UBR1: variants seen among roughly 807,000 people sequenced by gnomAD.
UBR1 encodes E3 ubiquitin-protein ligase UBR1.
UBR1 carries 102 observed loss-of-function variants against 242.1 expected under a neutral mutation model. That is an observed-to-expected ratio of 0.42 (90% CI 0.36 to 0.50). The LOEUF (loss-of-function observed/expected upper bound fraction) is 0.50. Among genes scored for constraint, UBR1 ranks in the 20% least tolerant of loss-of-function variants. UBR1 has a pLI of 0.01. For missense variants in UBR1, 1,772 were observed against 2,101.8 expected (o/e 0.84, Z 3.07); for synonymous variants, 675 against 684.8 (o/e 0.99, Z 0.22).
intron 22 of UBR1, 51 bp downstream of exon 22, chr15:43,027,725 G>T (rs1396004510): frequency 1.9e-6 from 3 of 1,545,668 alleles, no homozygotes; most frequent in South Asian, 1.1e-5. Flanking sequence ...CAAAGTACAA[G>T]AACAAAGATC....
chr15:42,949,199 T>C (rs2031787103), intron 46 of UBR1, among the ~76,000 whole-genome samples: 1 of 146,734 alleles, frequency 6.8e-6, no homozygotes, highest in South Asian at 2.1e-4. Context: ...AAACACCATA[T>C]GTTCTCACTC....
At position 42,994,966 on chromosome 15, in the gene UBR1, T is replaced by A. The variant is rs539837550; in HGVS notation, c.3757+3202A>T. ...TTTTAATCATTCCATGATTTCTTTT[T>A]TAAAGTTCTCTATTTCAATAGTTTT... On this transcript the variant is annotated intron_variant, in intron 33 of 46. Transcript: ENST00000290650. 2.1e-3 allele frequency among the ~76,000 whole-genome samples: 317 copies of A among 152,334 alleles called. 1 individual carries two copies. Among genetic ancestry groups the A allele is most frequent in the African/African-American group, 7.4e-3 (308 of 41,578 alleles).
chr15:43,041,120 G>A (rs1026028764), intron 15 of UBR1, among the ~76,000 whole-genome samples: 6 of 152,154 alleles, frequency 3.9e-5, no homozygotes, highest in African/African-American at 1.4e-4. Flanking sequence ...TATAAATCAT[G>A]CTGCTATAAA....
chr15:43,017,223 G>A (rs757282857), intron 27 of UBR1, 42 bp from the exon 28 acceptor site: 2 of 1,386,102 alleles, frequency 1.4e-6, no homozygotes, highest in African/African-American at 1.4e-5. Flanking sequence ...TAGTTAGACT[G>A]TTAGACCGAC....
intron 29 of UBR1, among the ~76,000 whole-genome samples, chr15:43,008,209 G>A (rs573154089): frequency 5.9e-5 from 9 of 152,364 alleles, no homozygotes; most frequent in African/African-American, 2.2e-4. Flanking sequence ...CTTGGGTTGG[G>A]AACAGGAGGG....
intron 1 of UBR1, among the ~76,000 whole-genome samples, chr15:43,097,242 T>C (rs1471219512): frequency 1.3e-5 from 2 of 152,184 alleles, no homozygotes; most frequent in South Asian, 2.1e-4. Flanking sequence ...CTTTTTTTTT[T>C]CTCAGCAGTT....
chr15:43,072,332 C>G (rs992272173), intron 4 of UBR1, among the ~76,000 whole-genome samples: 1 of 152,142 alleles, frequency 6.6e-6, no homozygotes, highest in Admixed American at 6.5e-5. Context: ...CTCAAATAAG[C>G]CTCCTGCCTG....
intron 39 of UBR1, among the ~76,000 whole-genome samples, chr15:42,972,541 G>A (rs2032224165): frequency 2.0e-5 from 3 of 151,856 alleles, no homozygotes; most frequent in African/African-American, 7.3e-5. Context: ...GCTAATTTTT[G>A]TATTTATTTA....
intron 12 of UBR1, among the ~76,000 whole-genome samples, chr15:43,053,040 T>C (rs2033575362): frequency 6.6e-6 from 1 of 152,212 alleles, no homozygotes; most frequent in Non-Finnish European, 1.5e-5. Context: ...CCTTGGCACA[T>C]AGCAGTTACT....
At chr15:43,068,089 T>TAAAAAAAAAAAAAAAAAAAAAAAAAAAAA (rs375762522) in intron 5 of UBR1, 53 bp from the exon 6 acceptor site, 9 of 787,734 alleles carry the variant, frequency 1.1e-5, no homozygotes, top group Admixed American at 4.2e-5. Flanking sequence ...AAAGGAAAAG[T>TAAAAAAAAAAAAAAAAAAAAAAAAAAAAA]AAAAAAAAAA....
intron 32 of UBR1, among the ~76,000 whole-genome samples, chr15:42,999,982 C>A (rs1463922101): frequency 6.6e-6 from 1 of 151,624 alleles, no homozygotes; most frequent in Non-Finnish European, 1.5e-5. Flanking sequence ...TTTTTGTTTT[C>A]AAAAAATGGA....
intron 1 of UBR1, 104 bp from the exon 2 acceptor site, chr15:43,086,344 G>T (rs2034035849): frequency 4.7e-6 from 6 of 1,286,300 alleles, no homozygotes; most frequent in Admixed American, 2.5e-5. Context: ...GTAATTTACA[G>T]TATATTTCAT....
chr15:43,060,228 T>A, intron 6 of UBR1, 114 bp from the exon 7 acceptor site: 1 of 966,750 alleles, frequency 1.0e-6, no homozygotes, highest in Non-Finnish European at 1.7e-6. Flanking sequence ...GCGTGTTGAC[T>A]AAAAGTTGTA....
In UBR1 at chr15:43,041,284, C is replaced by A. The variant is rs1354924764; in HGVS notation, c.1849+1931G>T. Among the ~76,000 whole-genome samples the A allele has an allele frequency of 5.3e-5, 8 of 152,024 alleles. No homozygotes were observed. In the East Asian group the frequency reaches 1.4e-3, roughly 26 times the overall value. On this transcript the variant is annotated intron_variant, in intron 15 of 46. Transcript: ENST00000290650. ...AGCCATAAAAAAGGATGAGTTCATG[C>A]CCTTTGTAGGGACATGAATGAAGCT...
chr15:42,977,046 T>C (rs575185603), intron 38 of UBR1, among the ~76,000 whole-genome samples, 179 bp from the exon 39 acceptor site: 1 of 152,330 alleles, frequency 6.6e-6, no homozygotes, highest in South Asian at 2.1e-4. Context: ...GTACCATAAA[T>C]GGAGGACGAT....
intron 43 of UBR1, among the ~76,000 whole-genome samples, chr15:42,959,213 A>G (rs2031975156): frequency 1.3e-5 from 2 of 151,716 alleles, no homozygotes; most frequent in South Asian, 4.2e-4. Context: ...TATTTGGCAA[A>G]CCTAGACACT....
chr15:42,964,375 A>G (rs2032072019), intron 41 of UBR1, among the ~76,000 whole-genome samples: 2 of 152,178 alleles, frequency 1.3e-5, no homozygotes, highest in Admixed American at 1.3e-4. Flanking sequence ...AGGCTGAGGC[A>G]GGAGAATTGC....
At chr15:43,096,456 C>G (rs2034163142) in intron 1 of UBR1, among the ~76,000 whole-genome samples, 1 of 152,100 alleles carries the variant, frequency 6.6e-6, no homozygotes, top group Admixed American at 6.5e-5. Flanking sequence ...GCCAACGCGC[C>G]CGGCCAGGCA....
intron 4 of UBR1, among the ~76,000 whole-genome samples, chr15:43,074,733 T>C (rs1324808729): frequency 7.9e-5 from 12 of 152,224 alleles, no homozygotes; most frequent in Admixed American, 7.9e-4. Context: ...TGTACTCTTA[T>C]GTATCAAGTT....
Sources: allele counts gnomAD v4.1 joint callset (sites outside exome capture counted in the v4.1 genomes callset), GRCh38; gene constraint gnomAD v4.1.1; transcripts MANE v1.5; gene names NCBI Gene and HGNC (gene_info 2026-07-23, HGNC 2026-07-21).